Variants in MYRIP observed in about 807,000 individuals in gnomAD.
MYRIP encodes the protein rab effector MyRIP.
MYRIP carries 49 observed loss-of-function variants against 98.0 expected under a neutral mutation model. That is an observed-to-expected ratio of 0.50 (90% CI 0.40 to 0.63). The LOEUF is 0.63. Ranked by LOEUF, MYRIP falls within the 30% of genes least tolerant of loss-of-function variation. MYRIP has a pLI of 0.00. For missense variants in MYRIP, 1,004 were observed against 1,058.2 expected (o/e 0.95, Z 0.71); for synonymous variants, 404 against 409.5 (o/e 0.99, Z 0.16).
intron 3 of MYRIP, among the ~76,000 whole-genome samples, chr3:40,083,836 A>G (rs900451336): frequency 2.6e-5 from 4 of 152,152 alleles, no homozygotes; most frequent in African/African-American, 9.6e-5. Context: ...CAGGAAGGAA[A>G]GGAATATCAA....
At chr3:40,204,206 ATTTATATATT>A (rs1951728811) in intron 10 of MYRIP, among the ~76,000 whole-genome samples, 4 of 45,588 alleles carry the variant, frequency 8.8e-5, no homozygotes, top group Admixed American at 9.8e-4. Context: ...TATATTATAT[ATTTATATATT>A]ATATATAAAT....
At chr3:40,211,760 GC>G (rs1251729580) in intron 11 of MYRIP, among the ~76,000 whole-genome samples, 3 of 152,106 alleles carry the variant, frequency 2.0e-5, no homozygotes, top group Non-Finnish European at 2.9e-5. Flanking sequence ...CCAGTGGCAT[GC>G]CAGGCTGTGA....
chr3:40,070,572 C>T (rs953904791), intron 3 of MYRIP, among the ~76,000 whole-genome samples: 32 of 152,158 alleles, frequency 2.1e-4, no homozygotes, highest in African/African-American at 6.5e-4. Context: ...TGTTAGGAAC[C>T]AGCCTGGTTC....
chr3:39,850,118 G>C (rs1397661829), intron 1 of MYRIP, among the ~76,000 whole-genome samples: 2 of 152,140 alleles, frequency 1.3e-5, no homozygotes, highest in Admixed American at 6.5e-5. Context: ...ACTAGTCTAG[G>C]GGGAAGCTGC....
At chr3:40,250,076 G>T in intron 13 of MYRIP, 146 bp from the exon 14 acceptor site, 1 of 654,218 alleles carries the variant, frequency 1.5e-6, no homozygotes, top group South Asian at 1.9e-5. Context: ...CTAGATAGAG[G>T]AGTGTTTGGT....
Position 40,150,926 on chromosome 3 carries a change from G to A in MYRIP, c.333-122G>A, listed in dbSNP as rs141081108. ...ATGGTCAGAGAAAGTCACAAGGCCC[G>A]CCCAGATTCAAGGGGAATAAACTTC... On this transcript the variant is annotated intron_variant, in intron 3 of 16. Coordinates refer to ENST00000302541, the MANE Select transcript of MYRIP (RefSeq NM_015460.4). 1,859 of 984,684 alleles carry A rather than the reference G, an allele frequency of 1.9e-3. 16 individuals carry two copies. The African/African-American group carries it at 0.027, about 15-fold the overall frequency. The allele number at this position is 984,684 out of a possible 1,614,324, so 61.0% of individuals were successfully genotyped here.
At chr3:40,212,494 C>T (rs969158529) in intron 11 of MYRIP, among the ~76,000 whole-genome samples, 2 of 152,044 alleles carry the variant, frequency 1.3e-5, no homozygotes, top group African/African-American at 2.4e-5. Context: ...ATCGCCCAGG[C>T]GCAGTGGCTC....
intron 2 of MYRIP, among the ~76,000 whole-genome samples, chr3:40,005,289 A>G (rs1229161547): frequency 6.6e-6 from 1 of 152,186 alleles, no homozygotes; most frequent in Non-Finnish European, 1.5e-5. Context: ...TGTCTTACTA[A>G]CTCACTCCTG....
At chr3:39,880,777 T>G (rs972880183) in intron 1 of MYRIP, among the ~76,000 whole-genome samples, 1 of 152,192 alleles carries the variant, frequency 6.6e-6, no homozygotes, top group Non-Finnish European at 1.5e-5. Context: ...TTGTTATTAT[T>G]TATCCCAGGT....
chr3:39,917,187 A>C (rs2125686475), intron 2 of MYRIP, among the ~76,000 whole-genome samples: 1 of 152,174 alleles, frequency 6.6e-6, no homozygotes, highest in African/African-American at 2.4e-5. Flanking sequence ...ATGACTAAAA[A>C]GAATAACATA....
chr3:39,899,227 T>C (rs959455024), intron 1 of MYRIP, among the ~76,000 whole-genome samples: 1 of 152,216 alleles, frequency 6.6e-6, no homozygotes, highest in South Asian at 2.1e-4. Flanking sequence ...GCTGTACATG[T>C]ATTCTGTACA....
At chr3:40,027,873 AGAG>A (rs1947171163) in intron 2 of MYRIP, among the ~76,000 whole-genome samples, 1 of 152,082 alleles carries the variant, frequency 6.6e-6, no homozygotes, top group African/African-American at 2.4e-5. Context: ...TCTGCAGCTC[AGAG>A]GAGGGGCGGG....
intron 3 of MYRIP, among the ~76,000 whole-genome samples, chr3:40,108,857 T>A (rs915990307): frequency 6.6e-6 from 1 of 152,168 alleles, no homozygotes; most frequent in Non-Finnish European, 1.5e-5. Context: ...ATGGCTCACA[T>A]ATGGGTGTGC....
intron 1 of MYRIP, among the ~76,000 whole-genome samples, chr3:39,874,278 A>G (rs890101574): frequency 7.5e-4 from 114 of 152,212 alleles, no homozygotes; most frequent in African/African-American, 2.7e-3. Context: ...CAATCATGTC[A>G]TCTGCAAACA....
At chr3:39,830,141 T>C (rs533797345) in intron 1 of MYRIP, among the ~76,000 whole-genome samples, 1 of 152,332 alleles carries the variant, frequency 6.6e-6, no homozygotes, top group East Asian at 1.9e-4. Context: ...GAGATTCTCT[T>C]ATTTTGCCTT....
chr3:39,951,984 A>G (rs1005436146), intron 2 of MYRIP, among the ~76,000 whole-genome samples: 21 of 152,268 alleles, frequency 1.4e-4, no homozygotes, highest in African/African-American at 5.1e-4. Flanking sequence ...GAGTTATGCA[A>G]TCATCACCAC....
At chr3:39,966,023 A>G (rs1232319376) in intron 2 of MYRIP, among the ~76,000 whole-genome samples, 2 of 152,176 alleles carry the variant, frequency 1.3e-5, no homozygotes, top group Non-Finnish European at 2.9e-5. Flanking sequence ...GCCATTAGCA[A>G]AATGATGTGG....
At chr3:40,174,343 T>A (rs1198337201) in intron 8 of MYRIP, 1 of 152,230 alleles carries the variant, frequency 6.6e-6, no homozygotes, top group Non-Finnish European at 1.5e-5. Flanking sequence ...CACCATCCCA[T>A]GATTTTCAAT....
chr3:39,959,587 G>A (rs1356003933), intron 2 of MYRIP, among the ~76,000 whole-genome samples: 1 of 151,780 alleles, frequency 6.6e-6, no homozygotes, highest in Non-Finnish European at 1.5e-5. Context: ...ACGAGTTAAT[G>A]GGTGCAGCAC....
Sources: gnomAD v4.1 joint callset for allele counts (sites outside exome capture counted in the v4.1 genomes callset) on GRCh38, gnomAD v4.1.1 for gene constraint, MANE v1.5 for transcripts, NCBI Gene and HGNC (gene_info 2026-07-23, HGNC 2026-07-21) for gene names.